The following PCK2 variants were observed in gnomAD, a reference collection of about 807,000 sequenced individuals.
PCK2 encodes the protein phosphoenolpyruvate carboxykinase 2, mitochondrial.
In PCK2, 56 loss-of-function variants were observed where a neutral mutation model predicts 65.9. The ratio of observed to expected loss-of-function variants is 0.85; its 90% CI spans 0.69 to 1.06. The LOEUF (loss-of-function observed/expected upper bound fraction) is 1.06. PCK2 is among the 50% of genes least tolerant of loss of function. The pLI, the probability that PCK2 is intolerant of heterozygous loss-of-function variation, is 0.00. For synonymous variants in PCK2, 305 were observed against 319.6 expected, an observed-to-expected ratio of 0.95 and a Z score of 0.49; for missense variants, 843 against 863.1, an observed-to-expected ratio of 0.98 and a Z score of 0.29.
At chr14:24,099,855 C>T in intron 6 of PCK2, 135 bp downstream of exon 6, 1 of 1,554,368 alleles carries the variant, frequency 6.4e-7, no homozygotes, top group Non-Finnish European at 8.9e-7. Context: ...CTCTGGCAGC[C>T]CAGCCACCCG....
intron 4 of PCK2, 126 bp from the exon 5 acceptor site, chr14:24,098,923 C>T (rs1180860829): frequency 2.6e-6 from 2 of 783,106 alleles, no homozygotes; most frequent in Admixed American, 4.4e-5. Context: ...AGGTGGGGGG[C>T]TTCAGCCACC....
chr14:24,099,211 A>C lies in PCK2; in HGVS notation c.827A>C (p.Glu276Ala). Residue 276 changes from glutamate to alanine, a missense_variant, in exon 5 of 10, where the codon GAG (glutamate) becomes GCG (alanine). Transcript: ENST00000216780. ...LRIASRLARD[E>A]GWLAEHMLIL... Reference sequence around the variant, plus strand: ...ATCGCCTCTCGGCTGGCCCGGGATGAGGGCTGGCTGGCAGAGCACATGCTG... The same window carrying C: ...ATCGCCTCTCGGCTGGCCCGGGATGCGGGCTGGCTGGCAGAGCACATGCTG... The C allele has an allele frequency of 6.3e-7, 1 of 1,599,064 alleles. No individual in the cohort carries two copies. The highest frequency in any genetic ancestry group is 8.5e-7 in the Non-Finnish European group (1 of 1,175,930).
chr14:24,103,039 G>A (rs868742031), intron 8 of PCK2, 121 bp from the exon 9 acceptor site: 9 of 1,198,898 alleles, frequency 7.5e-6, no homozygotes, highest in Middle Eastern at 1.9e-4. Context: ...AGGAGGCAAA[G>A]GGTCTGAAAA....
At chr14:24,097,174 A>G in intron 2 of PCK2, 37 bp downstream of exon 2, 2 of 1,600,868 alleles carry the variant, frequency 1.2e-6, no homozygotes, top group Non-Finnish European at 1.7e-6. Flanking sequence ...GGATAGGTGC[A>G]CTGAGGCCAC....
rs748279847 is a variant in PCK2 at position 24,094,360 on chromosome 14, G to A, written c.-46G>A. ...CCTTCCCCGCCTTCCATACCTCCCC[G>A]GCTCCGCTCGGTTCCTGGCCACCCC... is the stretch of plus-strand genomic sequence containing the variant. On this transcript the variant is annotated 5_prime_UTR_variant, in exon 1 of 10. Coordinates refer to ENST00000216780, the MANE Select transcript of PCK2 (RefSeq NM_004563.4). This position sits in a 1 kb window ranked among gnomAD's most constrained non-coding sequence, Gnocchi z 4.1. The A allele has an allele frequency of 2.0e-6, 3 of 1,516,284 alleles. No individual in the cohort carries two copies. Among genetic ancestry groups the A allele is most frequent in the Non-Finnish European group, 2.7e-6 (3 of 1,127,936 alleles). 93.9% of individuals were successfully genotyped at this position (1,516,284 alleles called of 1,614,324 possible).
Position 24,096,995 on chromosome 14 carries a change from C to T in PCK2, c.133C>T (p.Arg45Ter), listed in dbSNP as rs765232506. 14 of 1,613,158 alleles carry T rather than the reference C, an allele frequency of 8.7e-6. No homozygotes were observed. The highest frequency in any genetic ancestry group is 8.3e-5 in the Admixed American group (5 of 59,898). ...GDLGQLPTGI[R>*]DFVEHSARLC... ...TCTGGGCCAGCTTCCCACTGGCATT[C>T]GAGATTTTGTAGAGCACAGTGCCCG... The change falls in exon 2 of 10, where the codon CGA (arginine) becomes TGA (stop). Residue 45 changes from arginine (R) to a stop codon, truncating the protein, a stop_gained. Transcript: ENST00000216780. LOFTEE classifies it high-confidence loss of function.
At chr14:24,095,081 C>G (rs1469286484) in intron 1 of PCK2, 3 of 456,146 alleles carry the variant, frequency 6.6e-6, no homozygotes, top group African/African-American at 4.0e-5. Flanking sequence ...CCCCCAGGCT[C>G]GTCCTGTTTG....
At chr14:24,101,439 A>C (rs1370194803) in intron 7 of PCK2, among the ~76,000 whole-genome samples, 1 of 152,172 alleles carries the variant, frequency 6.6e-6, no homozygotes, top group Non-Finnish European at 1.5e-5. Flanking sequence ...GGGGCCACAC[A>C]GTGGTGCTTC....
At chr14:24,102,655 A>G in intron 7 of PCK2, 98 bp from the exon 8 acceptor site, 2 of 1,087,566 alleles carry the variant, frequency 1.8e-6, no homozygotes, top group Non-Finnish European at 1.3e-6. Flanking sequence ...ATGAGGCAAA[A>G]AAAAAAAAAG....
Position 24,098,534 on chromosome 14 carries a change from A to T in PCK2, c.520A>T (p.Ile174Phe), listed in dbSNP as rs762436188. Residue 174 changes from isoleucine to phenylalanine, a missense_variant, in exon 4 of 10, where the codon ATC becomes TTC. Ile to Phe is a conservative substitution (Grantham distance 21). Coordinates refer to ENST00000216780, the MANE Select transcript of PCK2 (RefSeq NM_004563.4). ...TCCTGTGGGCTCCCCGCTGTCCCGCATCGGGGTGCAGCTCACTGACTCAGC... is the reference window on the plus strand; with the variant it reads ...TCCTGTGGGCTCCCCGCTGTCCCGCTTCGGGGTGCAGCTCACTGACTCAGC... ...MGPVGSPLSR[I>F]GVQLTDSAYV... 2.5e-6 allele frequency: 4 copies of T among 1,614,186 alleles called. No individual in the cohort carries two copies. The highest frequency in any genetic ancestry group is 3.4e-6 in the Non-Finnish European group (4 of 1,180,022).
chr14:24,103,585 G>A lies in PCK2; in HGVS notation c.1544G>A (p.Trp515Ter), dbSNP rs777497424. The stretch of plus-strand genomic sequence containing the variant: ...AACTTCGGGCACTACCTGGAACACT[G>A]GCTGAGCATGGAAGGGCGCAAGGGG... ...GYNFGHYLEH[W>*]LSMEGRKGAQ... The change falls in exon 10 of 10, where the codon TGG becomes TAG. Residue 515 changes from tryptophan to a stop codon, truncating the protein, a stop_gained. Transcript: ENST00000216780. LOFTEE classifies it high-confidence loss of function. 4 of 1,604,190 alleles carry A rather than the reference G, an allele frequency of 2.5e-6. No individual in the cohort carries two copies. The South Asian group carries it at 4.4e-5, about 18-fold the overall frequency.
intron 1 of PCK2, among the ~76,000 whole-genome samples, chr14:24,095,567 CA>C (rs1215332453): frequency 6.6e-6 from 1 of 152,130 alleles, no homozygotes; most frequent in Non-Finnish European, 1.5e-5. Context: ...ACCCTCCCAC[CA>C]ACACCAAAGC....
At chr14:24,095,028 C>T (rs1384688075) in intron 1 of PCK2, 3 of 449,022 alleles carry the variant, frequency 6.7e-6, no homozygotes, top group African/African-American at 2.0e-5. Context: ...AAGTTGCCTT[C>T]GTTTCTTACA....
Position 24,103,659 on chromosome 14 carries a change from G to A in PCK2, c.1618G>A (p.Ala540Thr), listed in dbSNP as rs1256642319. ...FHVNWFRRDEAGHFLWPGFGE... is the reference protein window; with the variant it reads ...FHVNWFRRDETGHFLWPGFGE... ...TGTCAACTGGTTCCGGCGTGACGAG[G>A]CAGGGCACTTCCTGTGGCCAGGCTT... is the stretch of plus-strand genomic sequence containing the variant. Residue 540 changes from alanine to threonine, a missense_variant, in exon 10 of 10, where the codon GCA (alanine) becomes ACA (threonine). Coordinates refer to ENST00000216780, the MANE Select transcript of PCK2 (RefSeq NM_004563.4). The A allele has an allele frequency of 1.2e-6, 2 of 1,614,218 alleles. No individual in the cohort carries two copies. The highest frequency in any genetic ancestry group is 1.7e-5 in the Admixed American group (1 of 60,032).
At position 24,103,249 on chromosome 14, in the gene PCK2, C is replaced by T. The variant is rs1351802978; in HGVS notation, c.1462C>T (p.His488Tyr). The change falls in exon 9 of 10, where the codon CAC becomes TAC. Residue 488 changes from histidine to tyrosine, a missense_variant. Coordinates refer to ENST00000216780, the MANE Select transcript of PCK2 (RefSeq NM_004563.4). ...CTCTGAGTCCACTGCTGCAGCAGAA[C>T]ACAAAGGTGAGCACCCTCACCATTC... ...MRSESTAAAE[H>Y]KGKIIMHDPF... 1.9e-6 allele frequency: 3 copies of T among 1,612,336 alleles called. No homozygotes were observed. The highest frequency in any genetic ancestry group is 2.2e-5 in the South Asian group (2 of 91,012).
At position 24,104,112 on chromosome 14, in the gene PCK2, G is replaced by A; in HGVS notation, c.*148G>A. On this transcript the variant is annotated 3_prime_UTR_variant, in exon 10 of 10. Transcript: ENST00000216780. ...CAAAGACTGTCCAATAATAAGAGAT[G>A]CTTATCTATTTTACACAAGATTTGT... 1 of 624,248 alleles carries A rather than the reference G, an allele frequency of 1.6e-6. No individual in the cohort carries two copies. The highest frequency in any genetic ancestry group is 2.0e-5 in the South Asian group (1 of 50,644). The allele number at this position is 624,248 out of a possible 1,614,324, so 38.7% of individuals were successfully genotyped here.
At chr14:24,100,474 A>G (rs2037117700) in intron 7 of PCK2, 1 of 836,212 alleles carries the variant, frequency 1.2e-6, no homozygotes, top group Non-Finnish European at 1.7e-6. Context: ...TTGTGATAGT[A>G]CCTATCTCAT....
At chr14:24,098,415 G>A (rs1244399920) in intron 3 of PCK2, 28 bp downstream of exon 3, 1 of 1,611,256 alleles carries the variant, frequency 6.2e-7, no homozygotes, top group Non-Finnish European at 8.5e-7. Flanking sequence ...ACAGTGGCAA[G>A]GGCACGGAAG....
Position 24,094,655 on chromosome 14 carries a change from C to T in PCK2, c.29+221C>T. 1 of 1,501,414 alleles carries T rather than the reference C, an allele frequency of 6.7e-7. No homozygotes were observed. The highest frequency in any genetic ancestry group is 8.9e-7 in the Non-Finnish European group (1 of 1,127,022). The allele number at this position is 1,501,414 out of a possible 1,614,324, so 93.0% of individuals were successfully genotyped here. A position where few individuals can be genotyped will look rare whatever the true frequency, so the allele number is the denominator to read the frequency against. On this transcript the variant is annotated intron_variant, in intron 1 of 9. Transcript: ENST00000216780. The surrounding 1 kb of genome is among the most constrained non-coding windows in gnomAD (Gnocchi z 4.1). ...TTCCGCCTGCACCTCCCCTTCTCTG[C>T]CTCGCTCGCCTCTGACCGCGCGATC...
Sources: allele counts gnomAD v4.1 joint callset (sites outside exome capture counted in the v4.1 genomes callset), GRCh38; gene constraint gnomAD v4.1.1; non-coding constraint Gnocchi (gnomAD v3.1); transcripts MANE v1.5; gene names NCBI Gene and HGNC (gene_info 2026-07-23, HGNC 2026-07-21).